The following TANC2 variants were observed in gnomAD, a reference collection of about 807,000 sequenced individuals.
TANC2 encodes protein TANC2.
In TANC2, 26 loss-of-function variants were observed where a neutral mutation model predicts 210.5. The ratio of observed to expected loss-of-function variants is 0.12; its 90% CI spans 0.09 to 0.17. The LOEUF (loss-of-function observed/expected upper bound fraction) is 0.17, where lower values mean the gene tolerates loss of function less well. Ranked by LOEUF, TANC2 falls within the 10% of genes least tolerant of loss-of-function variation. The probability of loss-of-function intolerance (pLI) is 1.00; values close to 1 mark genes in which losing one functional copy is unlikely to be tolerated. For missense variants in TANC2, 2,129 were observed against 2,608.9 expected (o/e 0.82, Z 4.01); for synonymous variants, 931 against 967.1 (o/e 0.96, Z 0.69).
At chr17:63,221,442 C>CAAAAAAAAA (rs755699051) in intron 7 of TANC2, among the ~76,000 whole-genome samples, 5 of 87,494 alleles carry the variant, frequency 5.7e-5, no homozygotes, top group African/African-American at 8.7e-5. Flanking sequence ...GACTCCATCT[C>CAAAAAAAAA]AAAAAAAAAA....
At chr17:63,246,849 T>G (rs1021581582) in intron 8 of TANC2, among the ~76,000 whole-genome samples, 12 of 152,158 alleles carry the variant, frequency 7.9e-5, no homozygotes, top group African/African-American at 2.9e-4. Flanking sequence ...TGCTGAATCT[T>G]ATGGTAAGCT....
chr17:63,341,891 CTTA>C (rs1222919345), intron 12 of TANC2, among the ~76,000 whole-genome samples: 1 of 152,204 alleles, frequency 6.6e-6, no homozygotes, highest in East Asian at 1.9e-4. Context: ...ACTTTTCAGC[CTTA>C]TTATTCACTG....
intron 5 of TANC2, among the ~76,000 whole-genome samples, chr17:63,178,326 C>CT (rs1343867604): frequency 3.3e-5 from 5 of 151,838 alleles, no homozygotes; most frequent in East Asian, 3.9e-4. Context: ...GAGCAAGACT[C>CT]TGTCTCAAAA....
At chr17:62,986,052 A>C (rs2032550580) in intron 1 of TANC2, among the ~76,000 whole-genome samples, 1 of 152,182 alleles carries the variant, frequency 6.6e-6, no homozygotes, top group Non-Finnish European at 1.5e-5. Context: ...CATGACGGTT[A>C]GGTGGGGCAT....
intron 7 of TANC2, among the ~76,000 whole-genome samples, chr17:63,237,103 G>A (rs994315814): frequency 2.6e-5 from 4 of 151,934 alleles, no homozygotes; most frequent in South Asian, 2.1e-4. Flanking sequence ...TTATATTCCC[G>A]TTAACGGTGT....
chr17:63,088,953 A>G (rs1341554570), intron 3 of TANC2: 1 of 152,132 alleles, frequency 6.6e-6, no homozygotes, highest in Non-Finnish European at 1.5e-5. Context: ...CTCCTTTTGA[A>G]GGCTTTTCCA....
At chr17:63,198,764 G>A (rs1296234791) in intron 6 of TANC2, among the ~76,000 whole-genome samples, 2 of 150,716 alleles carry the variant, frequency 1.3e-5, no homozygotes, top group African/African-American at 4.9e-5. Context: ...GCTCTGTAAG[G>A]GAAAAAAGAT....
At chr17:63,347,897 C>G (rs1444444245) in intron 12 of TANC2, among the ~76,000 whole-genome samples, 1 of 152,174 alleles carries the variant, frequency 6.6e-6, no homozygotes, top group Non-Finnish European at 1.5e-5. Context: ...GCCTCAGTAA[C>G]TAGGACTACA....
intron 5 of TANC2, among the ~76,000 whole-genome samples, chr17:63,161,206 C>CA (rs2040013714): frequency 6.6e-6 from 1 of 151,824 alleles, no homozygotes; most frequent in South Asian, 2.1e-4. Flanking sequence ...ACTAAAAATA[C>CA]AAAAAAATAG....
chr17:63,123,300 G>A (rs2145152058), intron 4 of TANC2, among the ~76,000 whole-genome samples: 1 of 152,288 alleles, frequency 6.6e-6, no homozygotes, highest in Middle Eastern at 3.4e-3. Flanking sequence ...GCTCACGCCT[G>A]TAATCCCAGC....
At chr17:63,122,891 G>A (rs1324808921) in intron 4 of TANC2, among the ~76,000 whole-genome samples, 1 of 152,182 alleles carries the variant, frequency 6.6e-6, no homozygotes, top group Non-Finnish European at 1.5e-5. Flanking sequence ...ATGGTAAAGT[G>A]ACTTAAGTAA....
chr17:63,202,180 C>T (rs1354299112), intron 7 of TANC2, among the ~76,000 whole-genome samples: 1 of 152,002 alleles, frequency 6.6e-6, no homozygotes, highest in African/African-American at 2.4e-5. Flanking sequence ...TTGTCATTTA[C>T]AAAATGCTAA....
chr17:63,195,937 G>A (rs528778767), intron 6 of TANC2, among the ~76,000 whole-genome samples: 9 of 152,004 alleles, frequency 5.9e-5, no homozygotes, highest in African/African-American at 2.2e-4. Context: ...CCTCCTTGTC[G>A]TTCGCCAGTC....
At chr17:63,084,400 C>G (rs138841269) in intron 3 of TANC2, among the ~76,000 whole-genome samples, 1,772 of 151,998 alleles carry the variant, frequency 0.012, 20 homozygotes, top group Non-Finnish European at 0.018. Context: ...GCTAGAAGCT[C>G]CTCAATTTTA....
intron 2 of TANC2, among the ~76,000 whole-genome samples, chr17:63,013,055 A>AT (rs1169284192): frequency 3.4e-5 from 5 of 147,830 alleles, no homozygotes; most frequent in African/African-American, 5.0e-5. Context: ...ATTTTTGTAG[A>AT]TTTTTTTCTT....
intron 4 of TANC2, among the ~76,000 whole-genome samples, chr17:63,116,673 G>A (rs1273272292): frequency 6.6e-6 from 1 of 152,200 alleles, no homozygotes. Flanking sequence ...TAGTCAATCA[G>A]TTGATAGTGC....
Position 63,377,507 on chromosome 17 carries a change from C to G in TANC2, c.2583-2211C>G, listed in dbSNP as rs555744166. 1.6e-4 allele frequency among the ~76,000 whole-genome samples: 24 copies of G among 152,348 alleles called. No individual in the cohort carries two copies. In the South Asian group the frequency reaches 5.0e-3, roughly 32 times the overall value. ...AGCATAGCAAGAGTCACCTTTACTC[C>G]TGTTCCCAACAAGTTCCTTATCTCT... On this transcript the variant is annotated intron_variant, in intron 14 of 27. Transcript: ENST00000689528.
chr17:63,148,765 T>C (rs943486537), intron 4 of TANC2: 3 of 152,200 alleles, frequency 2.0e-5, no homozygotes, highest in African/African-American at 7.2e-5. Flanking sequence ...AATCATCTTA[T>C]GTACCATTTT....
intron 9 of TANC2, among the ~76,000 whole-genome samples, chr17:63,310,668 A>G (rs2045092817): frequency 1.3e-5 from 2 of 152,210 alleles, no homozygotes; most frequent in South Asian, 4.1e-4. Context: ...GATAGCCAAT[A>G]CACATGTTTT....
Sources: gnomAD v4.1 joint callset for allele counts (sites outside exome capture counted in the v4.1 genomes callset) on GRCh38, gnomAD v4.1.1 for gene constraint, MANE v1.5 for transcripts, NCBI Gene and HGNC (gene_info 2026-07-23, HGNC 2026-07-21) for gene names.